EPHA6: variants seen among roughly 807,000 people sequenced by gnomAD.
EPHA6 encodes EPH receptor A6, also known as ephrin type-A receptor 6.
EPHA6 carries 50 observed loss-of-function variants against 112.0 expected under a neutral mutation model. The observed-to-expected ratio is 0.45, with a 90% CI of 0.36 to 0.56. EPHA6 has a LOEUF of 0.56. Ranked by LOEUF, EPHA6 falls within the 20% of genes least tolerant of loss-of-function variation. The probability of loss-of-function intolerance (pLI) is 0.00; values close to 1 mark genes in which losing one functional copy is unlikely to be tolerated. For missense variants in EPHA6, 1,280 were observed against 1,417.4 expected (o/e 0.90, Z 1.56); for synonymous variants, 529 against 490.7 (o/e 1.08, Z -1.03).
chr3:96,922,967 A>T (rs1338445122), intron 2 of EPHA6, among the ~76,000 whole-genome samples: 1 of 152,148 alleles, frequency 6.6e-6, no homozygotes, highest in Non-Finnish European at 1.5e-5. Context: ...AAAGGACATG[A>T]TTTCATTCTT....
chr3:96,931,974 T>C (rs1244366196), intron 2 of EPHA6, among the ~76,000 whole-genome samples: 1 of 152,072 alleles, frequency 6.6e-6, no homozygotes, highest in Non-Finnish European at 1.5e-5. Context: ...GCTGTGTGGG[T>C]CCATTGGACC....
chr3:97,382,110 T>A (rs2085781337), intron 5 of EPHA6, among the ~76,000 whole-genome samples: 1 of 152,130 alleles, frequency 6.6e-6, no homozygotes, highest in Non-Finnish European at 1.5e-5. Flanking sequence ...AACTATTGTA[T>A]GCATGATGAG....
At position 96,969,101 on chromosome 3, in the gene EPHA6, A is replaced by G. The variant is rs114288183; in HGVS notation, c.451-18229A>G. On this transcript the variant is annotated intron_variant, in intron 2 of 17. Transcript: ENST00000389672. ...GTTTAAAACAACTCTTCTAACTTCT[A>G]CTAATTTGATATACTAAGATAATTT... 2.2e-3 allele frequency among the ~76,000 whole-genome samples: 328 copies of G among 152,032 alleles called. 2 individuals carry two copies. In the Middle Eastern group the frequency reaches 0.031, roughly 14 times the overall value.
intron 10 of EPHA6, among the ~76,000 whole-genome samples, chr3:97,485,357 A>G (rs2091674417): frequency 1.3e-5 from 2 of 152,222 alleles, no homozygotes; most frequent in African/African-American, 4.8e-5. Flanking sequence ...TAAACCAACT[A>G]CAGGGCACAC....
intron 3 of EPHA6, among the ~76,000 whole-genome samples, chr3:97,200,601 C>T (rs184424502): frequency 2.6e-5 from 4 of 152,146 alleles, no homozygotes; most frequent in Admixed American, 6.5e-5. Context: ...TTACCTGTAC[C>T]GCTTAGTTAC....
chr3:97,593,710 T>A (rs2093564282), intron 12 of EPHA6, among the ~76,000 whole-genome samples: 1 of 152,314 alleles, frequency 6.6e-6, no homozygotes, highest in South Asian at 2.1e-4. Flanking sequence ...ATCTTAAGAC[T>A]ATTCTACACT....
intron 14 of EPHA6, among the ~76,000 whole-genome samples, chr3:97,709,305 G>T (rs1012939227): frequency 6.6e-6 from 1 of 152,238 alleles, no homozygotes; most frequent in Non-Finnish European, 1.5e-5. Context: ...GAGACATGGA[G>T]TCAAAGGAGA....
At chr3:97,028,730 C>G (rs574246745) in intron 3 of EPHA6, among the ~76,000 whole-genome samples, 30 of 151,912 alleles carry the variant, frequency 2.0e-4, no homozygotes, top group African/African-American at 6.7e-4. Flanking sequence ...TAATAAGATG[C>G]TGTAATTAAA....
intron 11 of EPHA6, among the ~76,000 whole-genome samples, chr3:97,581,796 G>T (rs560551322): frequency 6.6e-6 from 1 of 152,346 alleles, no homozygotes; most frequent in African/African-American, 2.4e-5. Context: ...GCCTCCTGAG[G>T]GAGCACAGAT....
At chr3:97,566,214 C>T (rs545134088) in intron 11 of EPHA6, among the ~76,000 whole-genome samples, 38 of 152,140 alleles carry the variant, frequency 2.5e-4, no homozygotes, top group Non-Finnish European at 4.6e-4. Flanking sequence ...GCAACCAGAT[C>T]TTGCATGAAC....
rs527915665 is a variant in EPHA6 at position 97,748,580 on chromosome 3, C to G, written c.3279-7C>G. Reference sequence around the variant, plus strand: ...CGCTCTCACTCTTGCTCTCTCCTTTCTTTCAGTGACATTAGAAGAATTGGA... The same window carrying G: ...CGCTCTCACTCTTGCTCTCTCCTTTGTTTCAGTGACATTAGAAGAATTGGA... On this transcript the variant is annotated splice_region_variant and splice_polypyrimidine_tract_variant and intron_variant, in intron 17 of 17. Transcript: ENST00000389672. The G allele has an allele frequency of 6.7e-6, 10 of 1,492,280 alleles. No individual in the cohort carries two copies. In the East Asian group the frequency reaches 1.6e-4, roughly 24 times the overall value. The allele number at this position is 1,492,280 out of a possible 1,614,324, so 92.4% of individuals were successfully genotyped here.
rs953765518 is a variant in EPHA6, at chr3:96,814,806, G to A, written c.183G>A (p.Glu61=). 6.3e-7 allele frequency: 1 copy of A among 1,599,942 alleles called. No homozygotes were observed. The part of the protein sequence containing the change: ...AGRVEEEEEE[E]EEDVDKDPHP... ...GGGTGGAGGAGGAAGAGGAGGAGGA[G>A]GAAGAAGACGTGGACAAGGACCCCC... Residue 61 remains glutamate (E), a synonymous_variant, in exon 1 of 18, where the codon GAG becomes GAA. Transcript: ENST00000389672.
chr3:97,721,963 C>T (rs986842156), intron 15 of EPHA6, among the ~76,000 whole-genome samples: 2 of 152,156 alleles, frequency 1.3e-5, no homozygotes, highest in Non-Finnish European at 2.9e-5. Context: ...TCCTCTTCTG[C>T]CCTAAACTCA....
chr3:97,479,247 G>A (rs913054795), intron 8 of EPHA6, 47 bp from the exon 9 acceptor site: 3 of 1,208,146 alleles, frequency 2.5e-6, no homozygotes, highest in South Asian at 1.4e-5. Flanking sequence ...TGCATTGTAT[G>A]CATCATACTT....
intron 5 of EPHA6, among the ~76,000 whole-genome samples, chr3:97,334,490 T>C (rs1455812363): frequency 2.0e-5 from 3 of 149,994 alleles, no homozygotes; most frequent in Non-Finnish European, 1.5e-5. Flanking sequence ...TTTTTTTTTT[T>C]TTTTGATGAG....
At chr3:97,486,495 G>T (rs1196590811) in intron 10 of EPHA6, among the ~76,000 whole-genome samples, 1 of 152,142 alleles carries the variant, frequency 6.6e-6, no homozygotes, top group Non-Finnish European at 1.5e-5. Flanking sequence ...AGGTCCTGGC[G>T]GCTGAAGTCA....
At chr3:97,597,525 C>G (rs985658827) in intron 12 of EPHA6, among the ~76,000 whole-genome samples, 1 of 152,162 alleles carries the variant, frequency 6.6e-6, no homozygotes, top group African/African-American at 2.4e-5. Flanking sequence ...ATTTTGACAT[C>G]CTCACTGCTA....
intron 3 of EPHA6, among the ~76,000 whole-genome samples, chr3:97,004,406 T>G (rs1238343618): frequency 6.6e-6 from 1 of 152,296 alleles, no homozygotes; most frequent in East Asian, 1.9e-4. Flanking sequence ...GCTGTTGAGC[T>G]TTTTTTCATA....
chr3:97,200,689 A>G (rs949064211), intron 3 of EPHA6, among the ~76,000 whole-genome samples: 1 of 152,110 alleles, frequency 6.6e-6, no homozygotes, highest in Non-Finnish European at 1.5e-5. Context: ...TTCAATAGTT[A>G]CTAAAATCTT....
Sources: allele counts gnomAD v4.1 joint callset (sites outside exome capture counted in the v4.1 genomes callset), GRCh38; gene constraint gnomAD v4.1.1; transcripts MANE v1.5; gene names NCBI Gene and HGNC (gene_info 2026-07-23, HGNC 2026-07-21).